Variants in CPE observed in about 807,000 individuals in gnomAD.
CPE encodes carbocypeptidase E.
In CPE, 17 loss-of-function variants were observed where a neutral mutation model predicts 53.5. The observed-to-expected ratio is 0.32, with a 90% CI of 0.22 to 0.48. The LOEUF is 0.48. Ranked by LOEUF, CPE falls within the 20% of genes least tolerant of loss-of-function variation. The pLI is 0.99. For missense variants in CPE, 524 were observed against 614.7 expected (o/e 0.85, Z 1.56); for synonymous variants, 226 against 228.8 (o/e 0.99, Z 0.11).
chr4:165,437,648 A>G (rs1420579181), intron 1 of CPE, among the ~76,000 whole-genome samples: 2 of 152,210 alleles, frequency 1.3e-5, no homozygotes, highest in Admixed American at 6.5e-5. Context: ...ATGCAAATTC[A>G]GGACAATATA....
chr4:165,381,219 G>T, intron 1 of CPE: 3 of 453,582 alleles, frequency 6.6e-6, no homozygotes, highest in Non-Finnish European at 1.3e-5. Flanking sequence ...TGAAAACAAT[G>T]ATTTCTTTGC....
chr4:165,435,181 A>T (rs1225329517), intron 1 of CPE, among the ~76,000 whole-genome samples: 1 of 152,234 alleles, frequency 6.6e-6, no homozygotes, highest in Non-Finnish European at 1.5e-5. Flanking sequence ...ACACAAATGG[A>T]CTAAGATAAC....
intron 1 of CPE, among the ~76,000 whole-genome samples, chr4:165,391,061 C>T (rs1303592962): frequency 6.6e-6 from 1 of 152,112 alleles, no homozygotes; most frequent in Non-Finnish European, 1.5e-5. Flanking sequence ...TCAGTTTGCA[C>T]AAACTGTATC....
At chr4:165,437,112 C>A (rs935500292) in intron 1 of CPE, among the ~76,000 whole-genome samples, 4 of 152,176 alleles carry the variant, frequency 2.6e-5, no homozygotes, top group African/African-American at 9.6e-5. Flanking sequence ...ACAGGTCCTT[C>A]TCTCAGAAGA....
At chr4:165,398,343 CACACATATACACATGCAT>C (rs1478225099) in intron 1 of CPE, among the ~76,000 whole-genome samples, 2 of 151,984 alleles carry the variant, frequency 1.3e-5, no homozygotes, top group Admixed American at 6.6e-5. Context: ...CATATATACA[CACACATATACACATGCAT>C]ACACATATAC....
intron 1 of CPE, among the ~76,000 whole-genome samples, chr4:165,410,781 A>G (rs1220064845): frequency 6.6e-6 from 1 of 152,094 alleles, no homozygotes; most frequent in Non-Finnish European, 1.5e-5. Context: ...CTTTTAATTT[A>G]TGGTGTTACT....
rs1560890916 is a variant in CPE at position 165,467,542 on chromosome 4, A to G, written c.505-146A>G. The stretch of plus-strand genomic sequence containing the variant: ...GATACCTTCATGTTTATATAAGTAA[A>G]GTAGTGAAAATGCTGACATGGGAGG... On this transcript the variant is annotated intron_variant, in intron 2 of 8. Transcript: ENST00000402744. 4.2e-6 allele frequency: 3 copies of G among 713,010 alleles called. No homozygotes were observed. The East Asian group carries it at 8.3e-5, about 20-fold the overall frequency. 44.2% of individuals were successfully genotyped at this position (713,010 alleles called of 1,614,324 possible).
At chr4:165,467,187 A>T (rs574930321) in intron 2 of CPE, among the ~76,000 whole-genome samples, 1 of 152,072 alleles carries the variant, frequency 6.6e-6, no homozygotes, top group Admixed American at 6.5e-5. Context: ...GCCTAGCATG[A>T]TTGTGCACAT....
chr4:165,388,928 A>G lies in CPE; in HGVS notation c.307+9400A>G, dbSNP rs79583828. ...TCTTATTCATTGTGGGAACTCAGTAAATGTTAAGCCAGATTTTCAACATAA... is the reference window on the plus strand; with the variant it reads ...TCTTATTCATTGTGGGAACTCAGTAGATGTTAAGCCAGATTTTCAACATAA... On this transcript the variant is annotated intron_variant, in intron 1 of 8. Transcript: ENST00000402744. 1.7e-3 allele frequency among the ~76,000 whole-genome samples: 259 copies of G among 152,280 alleles called. 5 individuals are homozygous for G. In the East Asian group the frequency reaches 0.049, roughly 29 times the overall value.
At chr4:165,464,218 G>A (rs959308201) in intron 1 of CPE, among the ~76,000 whole-genome samples, 172 bp from the exon 2 acceptor site, 4 of 152,120 alleles carry the variant, frequency 2.6e-5, no homozygotes, top group African/African-American at 9.7e-5. Context: ...GCTGGGAGGC[G>A]AGGAATAGAA....
At chr4:165,380,311 A>G (rs1355274005) in intron 1 of CPE, among the ~76,000 whole-genome samples, 1 of 152,164 alleles carries the variant, frequency 6.6e-6, no homozygotes, top group Non-Finnish European at 1.5e-5. Context: ...ACCATTTGAG[A>G]TGAATAGTTT....
chr4:165,429,490 C>T (rs1731373877), intron 1 of CPE, among the ~76,000 whole-genome samples: 1 of 152,018 alleles, frequency 6.6e-6, no homozygotes, highest in Non-Finnish European at 1.5e-5. Flanking sequence ...ATTGCTTGAG[C>T]CCAGGAGTTT....
chr4:165,470,800 A>C (rs543373657), intron 3 of CPE, among the ~76,000 whole-genome samples: 11 of 152,136 alleles, frequency 7.2e-5, no homozygotes, highest in Non-Finnish European at 1.2e-4. Context: ...ACTGCTTCCT[A>C]CTGATAGAGG....
At chr4:165,484,773 A>C (rs1012463937) in intron 5 of CPE, among the ~76,000 whole-genome samples, 169 bp downstream of exon 5, 6 of 152,210 alleles carry the variant, frequency 3.9e-5, no homozygotes, top group African/African-American at 1.2e-4. Context: ...GTGAATGATT[A>C]CTATGTATAA....
At chr4:165,449,115 A>C (rs989255930) in intron 1 of CPE, among the ~76,000 whole-genome samples, 2 of 152,238 alleles carry the variant, frequency 1.3e-5, no homozygotes, top group East Asian at 3.8e-4. Flanking sequence ...TCCCCACCAC[A>C]GGGTAAGCCC....
intron 3 of CPE, among the ~76,000 whole-genome samples, chr4:165,472,854 G>A (rs1440141988): frequency 6.6e-6 from 1 of 152,132 alleles, no homozygotes; most frequent in Non-Finnish European, 1.5e-5. Flanking sequence ...AAGTTTTCCA[G>A]TAGTCTCAAG....
chr4:165,472,390 G>T (rs1362604174), intron 3 of CPE, among the ~76,000 whole-genome samples: 1 of 152,118 alleles, frequency 6.6e-6, no homozygotes, highest in Non-Finnish European at 1.5e-5. Flanking sequence ...AAAGTCTTAG[G>T]GCAGCCACAG....
intron 1 of CPE, among the ~76,000 whole-genome samples, chr4:165,432,320 G>A (rs905721893): frequency 6.6e-6 from 1 of 152,168 alleles, no homozygotes; most frequent in Non-Finnish European, 1.5e-5. Context: ...GTGTGAGACA[G>A]GGTCTTGCTC....
At chr4:165,380,070 GCT>G (rs1302777638) in intron 1 of CPE, among the ~76,000 whole-genome samples, 1 of 152,112 alleles carries the variant, frequency 6.6e-6, no homozygotes, top group Non-Finnish European at 1.5e-5. Flanking sequence ...CAGTTTATTG[GCT>G]CTGTGTACCC....
Sources: allele counts gnomAD v4.1 joint callset (sites outside exome capture counted in the v4.1 genomes callset), GRCh38; gene constraint gnomAD v4.1.1; transcripts MANE v1.5; gene names NCBI Gene and HGNC (gene_info 2026-07-23, HGNC 2026-07-21).